Variants in PTGER3 observed in about 807,000 individuals in gnomAD.
The protein encoded by PTGER3 is prostaglandin E receptor 3.
PTGER3 carries 22 observed loss-of-function variants against 34.7 expected under a neutral mutation model. That is an observed-to-expected ratio of 0.63 (90% CI 0.45 to 0.91). The LOEUF is 0.91. Among genes scored for constraint, PTGER3 ranks in the 40% least tolerant of loss-of-function variants. The pLI, the probability that PTGER3 is intolerant of heterozygous loss-of-function variation, is 0.00. For missense variants in PTGER3, 468 were observed against 519.4 expected (o/e 0.90, Z 0.96); for synonymous variants, 241 against 230.1 (o/e 1.05, Z -0.43).
intron 4 of PTGER3, among the ~76,000 whole-genome samples, chr1:70,857,748 A>G (rs943898285): frequency 3.3e-5 from 5 of 152,030 alleles, no homozygotes; most frequent in African/African-American, 4.8e-5. Flanking sequence ...GTTAGCCAGG[A>G]TGGTCTCGAT....
intron 4 of PTGER3, among the ~76,000 whole-genome samples, chr1:70,874,705 C>A (rs1266747964): frequency 1.3e-5 from 2 of 152,108 alleles, no homozygotes; most frequent in African/African-American, 4.8e-5. Flanking sequence ...TTCCCCATAC[C>A]CCTTTCTATA....
At chr1:71,011,218 T>C in intron 2 of PTGER3, 2 of 985,358 alleles carry the variant, frequency 2.0e-6, no homozygotes, top group African/African-American at 3.5e-5. Context: ...AATATTTAGA[T>C]AGAGCCACTT....
At chr1:70,881,303 C>T (rs1343630289) in intron 4 of PTGER3, among the ~76,000 whole-genome samples, 2 of 152,106 alleles carry the variant, frequency 1.3e-5, no homozygotes, top group Non-Finnish European at 2.9e-5. Flanking sequence ...TCTTTCATCT[C>T]CTGTATTGTT....
chr1:71,032,185 C>A (rs1572982956), intron 1 of PTGER3, among the ~76,000 whole-genome samples: 1 of 152,268 alleles, frequency 6.6e-6, no homozygotes, highest in African/African-American at 2.4e-5. Context: ...AGTCATCTCA[C>A]TATGGTGTTA....
chr1:70,917,171 T>C (rs1647192598), intron 4 of PTGER3, among the ~76,000 whole-genome samples: 1 of 151,918 alleles, frequency 6.6e-6, no homozygotes, highest in Non-Finnish European at 1.5e-5. Context: ...GACCAATCTT[T>C]CCTGGTCCCC....
chr1:70,861,722 C>A (rs910368883), intron 4 of PTGER3, among the ~76,000 whole-genome samples: 6 of 151,896 alleles, frequency 4.0e-5, no homozygotes, highest in Non-Finnish European at 7.4e-5. Flanking sequence ...ACAAAAACTT[C>A]TCTGTATGGT....
chr1:70,944,060 A>G (rs193232986), intron 4 of PTGER3, among the ~76,000 whole-genome samples: 1 of 152,278 alleles, frequency 6.6e-6, no homozygotes, highest in East Asian at 1.9e-4. Flanking sequence ...TATAGTTGAC[A>G]TATGTAATTT....
intron 4 of PTGER3, among the ~76,000 whole-genome samples, chr1:70,936,124 C>A (rs772117502): frequency 1.3e-5 from 2 of 152,134 alleles, no homozygotes; most frequent in African/African-American, 2.4e-5. Flanking sequence ...ATAATATGAG[C>A]TCTAAACTGT....
intron 4 of PTGER3, among the ~76,000 whole-genome samples, chr1:70,881,112 ATTG>A (rs1646381995): frequency 6.6e-6 from 1 of 151,856 alleles, no homozygotes; most frequent in African/African-American, 2.4e-5. Flanking sequence ...TCCATTCTTT[ATTG>A]TTTTTGCTTT....
Position 70,889,942 on chromosome 1 carries a change from A to G in PTGER3, c.*24-37083T>C, listed in dbSNP as rs557014173. Among the ~76,000 whole-genome samples, 14 of 151,602 alleles carry G rather than the reference A, an allele frequency of 9.2e-5. No individual in the cohort carries two copies. In the South Asian group the frequency reaches 2.3e-3, roughly 25 times the overall value. On this transcript the variant is annotated intron_variant, in intron 4 of 4. Coordinates refer to the PTGER3 transcript ENST00000370931. ...TATCATTGCTCTTTTCCTGTCCTTC[A>G]TCTCCAAATGTTACTCTTGACCCTT...
chr1:71,019,749 C>T (rs1464472993), intron 1 of PTGER3, among the ~76,000 whole-genome samples: 1 of 152,096 alleles, frequency 6.6e-6, no homozygotes, highest in African/African-American at 2.4e-5. Flanking sequence ...TTTAAAAATG[C>T]CTTGGGTTGT....
intron 4 of PTGER3, among the ~76,000 whole-genome samples, chr1:70,918,948 A>C (rs1647287493): frequency 6.6e-6 from 1 of 152,066 alleles, no homozygotes; most frequent in African/African-American, 2.4e-5. Context: ...ATTTCAATGA[A>C]ATAGTTATAG....
chr1:71,001,807 G>T (rs970314645), intron 2 of PTGER3, among the ~76,000 whole-genome samples: 4 of 152,156 alleles, frequency 2.6e-5, no homozygotes, highest in Non-Finnish European at 4.4e-5. Flanking sequence ...GCTTTCTAAC[G>T]TCACTTGTGT....
intron 4 of PTGER3, among the ~76,000 whole-genome samples, chr1:70,906,973 C>G (rs533118719): frequency 4.8e-4 from 73 of 152,338 alleles, no homozygotes; most frequent in Non-Finnish European, 9.0e-4. Flanking sequence ...TTCAGATTAA[C>G]TGTAAAACCA....
intron 2 of PTGER3, among the ~76,000 whole-genome samples, chr1:70,982,176 C>T (rs1654441336): frequency 6.6e-6 from 1 of 152,158 alleles, no homozygotes; most frequent in East Asian, 1.9e-4. Context: ...CCCTGTACAT[C>T]TACTTCTGAT....
At chr1:70,962,641 C>T (rs515036) in intron 2 of PTGER3, among the ~76,000 whole-genome samples, 93,608 of 151,944 alleles carry the variant, frequency 0.62, 29,173 homozygotes, top group East Asian at 0.72. Context: ...CCATCAGATC[C>T]CATGAGACTT....
At chr1:70,966,564 G>T (rs1652539593), downstream of PTGER3, among the ~76,000 whole-genome samples, 1 of 151,972 alleles carries the variant, frequency 6.6e-6, no homozygotes, top group South Asian at 2.1e-4. Flanking sequence ...GTGGTTTGCT[G>T]CACCTATTGA....
At position 70,871,673 on chromosome 1, in the gene PTGER3, C is replaced by A. The variant is rs533407958; in HGVS notation, c.*24-18814G>T. 2.0e-5 allele frequency among the ~76,000 whole-genome samples: 3 copies of A among 152,020 alleles called. No individual in the cohort carries two copies. In the South Asian group the frequency reaches 6.2e-4, roughly 32 times the overall value. ...TAGAGGAAAGCAAAAATGAGGAGAG[C>A]CTGAAGTCACACTAAGAATTTTAAT... is the stretch of plus-strand genomic sequence containing the variant. On this transcript the variant is annotated intron_variant, in intron 4 of 4. Transcript: ENST00000370931.
intron 4 of PTGER3, among the ~76,000 whole-genome samples, chr1:70,914,814 G>A (rs1647138262): frequency 6.6e-6 from 1 of 151,930 alleles, no homozygotes; most frequent in Non-Finnish European, 1.5e-5. Context: ...GAGAGAGGTG[G>A]CTCTGAGGAG....
Sources: allele counts gnomAD v4.1 joint callset (sites outside exome capture counted in the v4.1 genomes callset), GRCh38; gene constraint gnomAD v4.1.1; transcripts MANE v1.5; gene names NCBI Gene and HGNC (gene_info 2026-07-23, HGNC 2026-07-21).